The following SCN7A variants were observed in gnomAD, a reference collection of about 807,000 sequenced individuals.
The protein encoded by SCN7A is sodium voltage-gated channel alpha subunit 7.
Under a neutral mutation model 155.2 loss-of-function variants are expected in SCN7A, and 138 were observed. The observed-to-expected ratio is 0.89, with a 90% confidence interval of 0.77 to 1.02. The LOEUF (loss-of-function observed/expected upper bound fraction) is 1.02, where lower values mean the gene tolerates loss of function less well. Among genes scored for constraint, SCN7A ranks in the 50% least tolerant of loss-of-function variants. The probability of loss-of-function intolerance (pLI) is 0.00; values close to 1 mark genes in which losing one functional copy is unlikely to be tolerated. For synonymous variants in SCN7A, 693 were observed against 649.0 expected (o/e 1.07, Z -1.03); for missense variants, 2,058 against 1,986.6 (o/e 1.04, Z -0.68).
rs1574996543 is a variant in SCN7A at position 166,408,268 on chromosome 2, C to T, written c.3982+1397G>A. ...CCATTCCTTGGCTCTATAGCCTACTCATTCTTCATTCACATTCATTGAAGA... is the reference window on the plus strand; with the variant it reads ...CCATTCCTTGGCTCTATAGCCTACTTATTCTTCATTCACATTCATTGAAGA... On this transcript the variant is annotated intron_variant, in intron 25 of 25. Coordinates refer to ENST00000643258, the MANE Select transcript of SCN7A (RefSeq NM_002976.4). Among the ~76,000 whole-genome samples the T allele has an allele frequency of 3.9e-5, 6 of 152,074 alleles. 1 individual carries two copies. In the South Asian group the frequency reaches 1.0e-3, roughly 26 times the overall value.
intron 15 of SCN7A, among the ~76,000 whole-genome samples, chr2:166,439,062 T>TAC (rs1455776692): frequency 6.8e-6 from 1 of 146,168 alleles, no homozygotes. Flanking sequence ...TGTGTATATA[T>TAC]ATATATATAT....
At chr2:166,462,172 C>A (rs1023548927) in intron 10 of SCN7A, 2 of 424,492 alleles carry the variant, frequency 4.7e-6, no homozygotes, top group Non-Finnish European at 8.3e-6. Flanking sequence ...CTCTCTCTGA[C>A]CTTGTAGAAT....
At chr2:166,446,516 C>G (rs1559108783) in intron 12 of SCN7A, among the ~76,000 whole-genome samples, 1 of 152,174 alleles carries the variant, frequency 6.6e-6, no homozygotes, top group Non-Finnish European at 1.5e-5. Flanking sequence ...AGTCTCATTA[C>G]TGGGTATATA....
At chr2:166,492,106 A>G (rs1274363648) in intron 1 of SCN7A, among the ~76,000 whole-genome samples, 2 of 152,054 alleles carry the variant, frequency 1.3e-5, no homozygotes, top group Non-Finnish European at 2.9e-5. Flanking sequence ...CTACCAAACC[A>G]TCTACCACAC....
chr2:166,414,897 T>TTATATACGATAATATATAATATA lies in SCN7A; in HGVS notation c.3415-1777_3415-1776insTATATTATATATTATCGTATATA, dbSNP rs1553513977. On this transcript the variant is annotated intron_variant, in intron 21 of 25. Coordinates refer to ENST00000643258, the MANE Select transcript of SCN7A (RefSeq NM_002976.4). ...TATATAGGATAATATATAATATATATTATTATATAGGATAATATATAATAT... is the reference window on the plus strand; with the variant it reads ...TATATAGGATAATATATAATATATATTATATACGATAATATATAATATATATTATATAGGATAATATATAATAT... Among the ~76,000 whole-genome samples, 22 of 28,036 alleles carry TTATATACGATAATATATAATATA rather than the reference T, an allele frequency of 7.8e-4. No individual in the cohort carries two copies. In the East Asian group the frequency reaches 0.017, roughly 21 times the overall value. 18.4% of individuals were successfully genotyped at this position (28,036 alleles called of 152,430 possible).
Position 166,412,615 on chromosome 2 carries a change from A to T in SCN7A, c.3521T>A (p.Ile1174Asn). The T allele has an allele frequency of 6.6e-7, 1 of 1,524,450 alleles. No individual in the cohort carries two copies. The highest frequency in any genetic ancestry group is 8.8e-7 in the Non-Finnish European group (1 of 1,137,706). 94.4% of individuals were successfully genotyped at this position (1,524,450 alleles called of 1,614,324 possible). A position where few individuals can be genotyped will look rare whatever the true frequency, so the allele number is the denominator to read the frequency against. Residue 1174 changes from isoleucine to asparagine, a missense_variant, in exon 23 of 26, where the codon ATC (isoleucine) becomes AAC (asparagine). Transcript: ENST00000643258. ...AAATACTCCAAATATAATAAAGTTGATAAAGTAACAATACATGTAGATGTT... is the reference window on the plus strand; with the variant it reads ...AAATACTCCAAATATAATAAAGTTGTTAAAGTAACAATACATGTAGATGTT... ...EVNIYMYCYF[I>N]NFIIFGVFLP...
intron 21 of SCN7A, 138 bp downstream of exon 21, chr2:166,416,569 T>G (rs1701381896): frequency 2.8e-6 from 2 of 722,196 alleles, no homozygotes; most frequent in Non-Finnish European, 4.5e-6. Flanking sequence ...GATAGTTGTA[T>G]GTCCCATTAC....
Position 166,423,254 on chromosome 2 carries a change from C to T in SCN7A, c.3027+5G>A, listed in dbSNP as rs542483014. 2.2e-5 allele frequency: 35 copies of T among 1,594,916 alleles called. No individual in the cohort carries two copies. Among genetic ancestry groups the T allele is most frequent in the South Asian group, 3.5e-5 (3 of 86,766 alleles). The stretch of plus-strand genomic sequence containing the variant: ...ATAGCCTTTCATTTTCTTTAAAATA[C>T]GTACAATAACAACCACGAAGTCCAG... On this transcript the variant is annotated splice_donor_5th_base_variant and intron_variant, in intron 19 of 25. Transcript: ENST00000643258.
In SCN7A at chr2:166,405,926, A is replaced by C. The variant is rs746020061; in HGVS notation, c.4703T>G (p.Val1568Gly). Residue 1568 changes from valine to glycine, a missense_variant, in exon 26 of 26, where the codon GTT becomes GGT. By Grantham distance (109) the Val-to-Gly change is moderately radical (BLOSUM62 -3). Transcript: ENST00000643258. Reference sequence around the variant, plus strand: ...ATCGAGGCAATGAATTCTGTCCCCAACAGCCATGGGGAGGTCCAAAGCAAT... The same window carrying C: ...ATCGAGGCAATGAATTCTGTCCCCACCAGCCATGGGGAGGTCCAAAGCAAT... ...QLIALDLPMAVGDRIHCLDIL... is the reference protein window; with the variant it reads ...QLIALDLPMAGGDRIHCLDIL... The C allele has an allele frequency of 1.2e-5, 20 of 1,612,956 alleles. No homozygotes were observed. Among genetic ancestry groups the C allele is most frequent in the Non-Finnish European group, 5.9e-6 (7 of 1,179,278 alleles).
intron 15 of SCN7A, among the ~76,000 whole-genome samples, chr2:166,435,991 T>A (rs1701830448): frequency 6.6e-6 from 1 of 152,172 alleles, no homozygotes; most frequent in Admixed American, 6.6e-5. Context: ...TTCTGCAGTG[T>A]AAAGAAATGA....
intron 18 of SCN7A, among the ~76,000 whole-genome samples, chr2:166,424,075 G>A (rs1214761412): frequency 6.6e-6 from 1 of 151,834 alleles, no homozygotes; most frequent in East Asian, 1.9e-4. Context: ...TACATAAGAG[G>A]ACAAAAAGCA....
intron 2 of SCN7A, among the ~76,000 whole-genome samples, chr2:166,483,170 A>C (rs1044738852): frequency 1.3e-5 from 2 of 152,084 alleles, no homozygotes; most frequent in Non-Finnish European, 2.9e-5. Flanking sequence ...CAGGAGCAGC[A>C]GAAGTATATG....
chr2:166,441,211 C>T (rs1701952334), intron 15 of SCN7A, 185 bp downstream of exon 15: 3 of 475,074 alleles, frequency 6.3e-6, no homozygotes, highest in East Asian at 6.4e-5. Context: ...GCATATTCTA[C>T]ATTTACAGCA....
chr2:166,408,236 T>C (rs979716812), intron 25 of SCN7A, among the ~76,000 whole-genome samples: 1 of 152,008 alleles, frequency 6.6e-6, no homozygotes, highest in African/African-American at 2.4e-5. Flanking sequence ...AGCTATATCA[T>C]TTCCTACCAT....
rs1016261512 is a variant in SCN7A at position 166,406,328 on chromosome 2, G to A, written c.4301C>T (p.Ala1434Val). Residue 1434 changes from alanine to valine, a missense_variant, in exon 26 of 26, where the codon GCT becomes GTT. Physicochemically the swap from Ala to Val is moderately conservative, Grantham distance 64. Transcript: ENST00000643258. Reference sequence around the variant, plus strand: ...TGCATCAAGCATCCCATCCCAACCAGCAAATATTGCAACTTGAAAAAGACA... The same window carrying A: ...TGCATCAAGCATCCCATCCCAACCAACAAATATTGCAACTTGAAAAAGACA... Reference protein sequence around the residue: ...MLCLFQVAIFAGWDGMLDAIF... With the variant: ...MLCLFQVAIFVGWDGMLDAIF... The A allele has an allele frequency of 6.2e-7, 1 of 1,612,948 alleles. No homozygotes were observed. Among genetic ancestry groups the A allele is most frequent in the Non-Finnish European group, 8.5e-7 (1 of 1,179,386 alleles).
Position 166,409,615 on chromosome 2 carries a change from A to G in SCN7A, c.3982+50T>C, listed in dbSNP as rs1007136126. The G allele has an allele frequency of 3.1e-6, 4 of 1,292,296 alleles. No homozygotes were observed. In the South Asian group the frequency reaches 6.6e-5, roughly 21 times the overall value. 80.1% of individuals were successfully genotyped at this position (1,292,296 alleles called of 1,614,324 possible). On this transcript the variant is annotated intron_variant, in intron 25 of 25. Transcript: ENST00000643258. ...TATTTCATATTTACTGTAAGAGCTT[A>G]CTTGAATTAATATTATTATCAGTAA...
At chr2:166,445,776 G>A (rs1186124987) in intron 12 of SCN7A, among the ~76,000 whole-genome samples, 1 of 152,012 alleles carries the variant, frequency 6.6e-6, no homozygotes, top group African/African-American at 2.4e-5. Context: ...AAGCGATGGG[G>A]AAAGGATTCC....
intron 1 of SCN7A, among the ~76,000 whole-genome samples, chr2:166,490,414 G>A (rs1251061057): frequency 1.3e-5 from 2 of 152,094 alleles, no homozygotes; most frequent in African/African-American, 2.4e-5. Context: ...GTTCACTCAT[G>A]TTGTCACAAA....
chr2:166,443,435 C>T (rs1702000192), intron 14 of SCN7A, 68 bp downstream of exon 14: 1 of 1,344,114 alleles, frequency 7.4e-7, no homozygotes, highest in African/African-American at 1.5e-5. Context: ...ACTGTAACCC[C>T]ATTTTATGTC....
Sources: allele counts gnomAD v4.1 joint callset (sites outside exome capture counted in the v4.1 genomes callset), GRCh38; gene constraint gnomAD v4.1.1; transcripts MANE v1.5; gene names NCBI Gene and HGNC (gene_info 2026-07-23, HGNC 2026-07-21).